AGPAT4: variants seen among roughly 807,000 people sequenced by gnomAD.
The protein encoded by AGPAT4 is 1-acylglycerol-3-phosphate O-acyltransferase 4.
In AGPAT4, 15 loss-of-function variants were observed where a neutral mutation model predicts 48.0. The ratio of observed to expected loss-of-function variants is 0.31; its 90% CI spans 0.21 to 0.48. The LOEUF (loss-of-function observed/expected upper bound fraction) is 0.48, where lower values mean the gene tolerates loss of function less well. AGPAT4 is among the 20% of genes least tolerant of loss of function. AGPAT4 has a pLI of 0.99. For missense variants in AGPAT4, 314 were observed against 482.5 expected, an observed-to-expected ratio of 0.65 and a Z score of 3.27; for synonymous variants, 178 against 198.7, an observed-to-expected ratio of 0.90 and a Z score of 0.88.
intron 4 of AGPAT4, among the ~76,000 whole-genome samples, chr6:161,153,879 G>A (rs566778731): frequency 9.0e-5 from 13 of 143,778 alleles, no homozygotes; most frequent in Non-Finnish European, 1.2e-4. Flanking sequence ...ACGGCCCCAT[G>A]GTCACACACA....
chr6:161,163,391 T>G (rs1779993400), intron 3 of AGPAT4, among the ~76,000 whole-genome samples: 1 of 152,026 alleles, frequency 6.6e-6, no homozygotes, highest in Non-Finnish European at 1.5e-5. Context: ...GAGAGATGAA[T>G]GAGGTTGTTT....
chr6:161,218,854 A>G lies in AGPAT4; in HGVS notation c.178+13182T>C, dbSNP rs1781728556. On this transcript the variant is annotated intron_variant, in intron 2 of 8. Transcript: ENST00000320285. The surrounding 1 kb of genome is among the most constrained non-coding windows in gnomAD (Gnocchi z 4.7). The stretch of plus-strand genomic sequence containing the variant: ...AGTATGATAAAACACTGTATCTACC[A>G]AACAGTATGATAAAACACTGTATCT... Among the ~76,000 whole-genome samples, 1 of 152,262 alleles carries G rather than the reference A, an allele frequency of 6.6e-6. No individual in the cohort carries two copies. Among genetic ancestry groups the G allele is most frequent in the Non-Finnish European group, 1.5e-5 (1 of 68,050 alleles).
chr6:161,219,246 C>A lies in AGPAT4; in HGVS notation c.178+12790G>T. Among the ~76,000 whole-genome samples, 1 of 150,922 alleles carries A rather than the reference C, an allele frequency of 6.6e-6. No homozygotes were observed. ...AGTGGTCTTTCAATGTTTTTGATTC[C>A]TTAAAAAAAAAATTAAATATGCACC... On this transcript the variant is annotated intron_variant, in intron 2 of 8. Coordinates refer to ENST00000320285, the MANE Select transcript of AGPAT4 (RefSeq NM_020133.3). The surrounding 1 kb of genome is among the most constrained non-coding windows in gnomAD (Gnocchi z 4.9).
At position 161,206,378 on chromosome 6, in the gene AGPAT4, G is replaced by A. The variant is rs893460052; in HGVS notation, c.178+25658C>T. ...CAATAAAGCACTCCCTCCCCTCCCA[G>A]CCAGCACACCATCCTGGAGACCTGG... On this transcript the variant is annotated intron_variant, in intron 2 of 8. Coordinates refer to ENST00000320285, the MANE Select transcript of AGPAT4 (RefSeq NM_020133.3). The surrounding 1 kb of genome is among the most constrained non-coding windows in gnomAD (Gnocchi z 4.8). Among the ~76,000 whole-genome samples the A allele has an allele frequency of 2.0e-5, 3 of 151,908 alleles. No homozygotes were observed. Among genetic ancestry groups the A allele is most frequent in the Admixed American group, 2.0e-4 (3 of 15,266 alleles).
At position 161,231,202 on chromosome 6, in the gene AGPAT4, G is replaced by A. The variant is rs1475648773; in HGVS notation, c.178+834C>T. 6.6e-6 allele frequency among the ~76,000 whole-genome samples: 1 copy of A among 152,032 alleles called. No homozygotes were observed. The highest frequency in any genetic ancestry group is 6.5e-5 in the Admixed American group (1 of 15,270). On this transcript the variant is annotated intron_variant, in intron 2 of 8. Coordinates refer to ENST00000320285, the MANE Select transcript of AGPAT4 (RefSeq NM_020133.3). The surrounding 1 kb of genome is among the most constrained non-coding windows in gnomAD (Gnocchi z 5.3). ...TATATATCATTATTAATATCACACTGCGTTCTCTACTTTTAAGAATAGGTA... is the reference window on the plus strand; with the variant it reads ...TATATATCATTATTAATATCACACTACGTTCTCTACTTTTAAGAATAGGTA...
Position 161,161,895 on chromosome 6 carries a change from G to A in AGPAT4, c.348+4353C>T, listed in dbSNP as rs902972926. On this transcript the variant is annotated intron_variant, in intron 3 of 8. Coordinates refer to ENST00000320285, the MANE Select transcript of AGPAT4 (RefSeq NM_020133.3). The surrounding 1 kb of genome is among the most constrained non-coding windows in gnomAD (Gnocchi z 4.6). ...CCTCACGCACAGGCACTCTGCCTAG[G>A]AGGGATAATGCCACTCTCCTCCTCT... The A allele has an allele frequency of 4.7e-5, 10 of 213,522 alleles. No homozygotes were observed. The highest frequency in any genetic ancestry group is 9.6e-5 in the Non-Finnish European group (10 of 103,970). 13.2% of individuals were successfully genotyped at this position (213,522 alleles called of 1,614,324 possible).
chr6:161,151,044 A>G lies in AGPAT4; in HGVS notation c.665-1755T>C, dbSNP rs558482119. Among the ~76,000 whole-genome samples, 3 of 152,122 alleles carry G rather than the reference A, an allele frequency of 2.0e-5. No homozygotes were observed. In the East Asian group the frequency reaches 5.8e-4, roughly 30 times the overall value. ...TATCAGTGACTTGTCCAACTGTCTC[A>G]TTTTCCAGAGGAAAACCTCAAAAAA... On this transcript the variant is annotated intron_variant, in intron 5 of 8. Transcript: ENST00000320285.
rs556123020 is a variant in AGPAT4 at position 161,162,983 on chromosome 6, T to A, written c.348+3265A>T. On this transcript the variant is annotated intron_variant, in intron 3 of 8. Transcript: ENST00000320285. ...ACTCTCATCTCCAGGGAGGCAAGGT[T>A]CAGCGTGTGACTCCAAGATCAACCA... Among the ~76,000 whole-genome samples, 229 of 152,368 alleles carry A rather than the reference T, an allele frequency of 1.5e-3. 3 individuals carry two copies. The highest frequency in any genetic ancestry group is 0.013 in the South Asian group (62 of 4,830).
chr6:161,211,327 G>A (rs552853711), intron 2 of AGPAT4, among the ~76,000 whole-genome samples: 1 of 152,216 alleles, frequency 6.6e-6, no homozygotes, highest in South Asian at 2.1e-4. Context: ...AACAAAGTGT[G>A]TCCTTTTAAA....
Position 161,153,372 on chromosome 6 carries a change from A to C in AGPAT4, c.638T>G (p.Ile213Ser). ...HLLPRTKGFA[I>S]TVRSLRNVVS... ...TACATTTCTCAAGCTCCTCACGGTG[A>C]TGGCGAAGCCCTTGGTTCGTGGCAA... The change falls in exon 5 of 9, where the codon ATC becomes AGC. Residue 213 changes from isoleucine to serine, a missense_variant. Transcript: ENST00000320285. 1 of 1,610,276 alleles carries C rather than the reference A, an allele frequency of 6.2e-7. No individual in the cohort carries two copies. The highest frequency in any genetic ancestry group is 8.5e-7 in the Non-Finnish European group (1 of 1,178,232).
rs1359649547 is a variant in AGPAT4, at chr6:161,261,397, C to T, written c.-90+12541G>A. 6.6e-6 allele frequency among the ~76,000 whole-genome samples: 1 copy of T among 152,228 alleles called. No homozygotes were observed. Among genetic ancestry groups the T allele is most frequent in the African/African-American group, 2.4e-5 (1 of 41,460 alleles). Reference sequence around the variant, plus strand: ...GCAGGCTTCCTCAGGAGCTGAGTGTCTTTCACCATCATATCCACAGCTCCC... The same window carrying T: ...GCAGGCTTCCTCAGGAGCTGAGTGTTTTTCACCATCATATCCACAGCTCCC... On this transcript the variant is annotated intron_variant, in intron 1 of 8. Transcript: ENST00000320285. The surrounding 1 kb of genome is among the most constrained non-coding windows in gnomAD (Gnocchi z 5.3).
Position 161,143,865 on chromosome 6 carries a change from GCCTGCCATTCCCCTCC to G in AGPAT4, c.843+2643_843+2658del, listed in dbSNP as rs1779331843. On this transcript the variant is annotated intron_variant, in intron 7 of 8. Coordinates refer to ENST00000320285, the MANE Select transcript of AGPAT4 (RefSeq NM_020133.3). This position sits in a 1 kb window ranked among gnomAD's most constrained non-coding sequence, Gnocchi z 4.7. ...GAATGTTGGCACACCTCTGTTGGCT[GCCTGCCATTCCCCTCC>G]CATTTTGCAGAAACTTTACTTGTCC... 1 of 302,350 alleles carries G rather than the reference GCCTGCCATTCCCCTCC, an allele frequency of 3.3e-6. No individual in the cohort carries two copies. Among genetic ancestry groups the G allele is most frequent in the East Asian group, 8.9e-5 (1 of 11,192 alleles). The allele number at this position is 302,350 out of a possible 1,614,324, so 18.7% of individuals were successfully genotyped here.
chr6:161,198,498 A>G lies in AGPAT4; in HGVS notation c.179-32081T>C, dbSNP rs1434693434. ...AGTGTCAACACAGCTGAGGTTGAGAAACCTGTCTTACGGCCATGACAGTGA... is the reference window on the plus strand; with the variant it reads ...AGTGTCAACACAGCTGAGGTTGAGAGACCTGTCTTACGGCCATGACAGTGA... On this transcript the variant is annotated intron_variant, in intron 2 of 8. Coordinates refer to ENST00000320285, the MANE Select transcript of AGPAT4 (RefSeq NM_020133.3). The surrounding 1 kb of genome is among the most constrained non-coding windows in gnomAD (Gnocchi z 4.3). Among the ~76,000 whole-genome samples, 3 of 152,254 alleles carry G rather than the reference A, an allele frequency of 2.0e-5. No individual in the cohort carries two copies. Among genetic ancestry groups the G allele is most frequent in the Non-Finnish European group, 4.4e-5 (3 of 68,048 alleles).
chr6:161,145,556 A>G (rs76864849), intron 7 of AGPAT4, among the ~76,000 whole-genome samples: 2,753 of 151,744 alleles, frequency 0.018, 201 homozygotes, highest in African/African-American at 0.063. Context: ...AAATTTGTCT[A>G]AAGGAGGCAA....
rs371269016 is a variant in AGPAT4 at position 161,216,399 on chromosome 6, T to C, written c.178+15637A>G. Among the ~76,000 whole-genome samples the C allele has an allele frequency of 7.2e-5, 11 of 152,298 alleles. 1 individual carries two copies. In the South Asian group the frequency reaches 2.3e-3, roughly 32 times the overall value. On this transcript the variant is annotated intron_variant, in intron 2 of 8. Coordinates refer to ENST00000320285, the MANE Select transcript of AGPAT4 (RefSeq NM_020133.3). The surrounding 1 kb of genome is among the most constrained non-coding windows in gnomAD (Gnocchi z 4.8). ...TGACAGACAACCTCTGCAACTGCCTTCTACAATCTTCAGGCTCACTCTCCT... is the reference window on the plus strand; with the variant it reads ...TGACAGACAACCTCTGCAACTGCCTCCTACAATCTTCAGGCTCACTCTCCT...
In AGPAT4 at chr6:161,240,236, AC is replaced by A. The variant is rs1782447904; in HGVS notation, c.-89-7935del. Among the ~76,000 whole-genome samples, 1 of 124,932 alleles carries A rather than the reference AC, an allele frequency of 8.0e-6. No homozygotes were observed. The highest frequency in any genetic ancestry group is 7.7e-5 in the Admixed American group (1 of 12,932). The allele number at this position is 124,932 out of a possible 152,430, so 82.0% of individuals were successfully genotyped here. A position where few individuals can be genotyped will look rare whatever the true frequency, so the allele number is the denominator to read the frequency against. The stretch of plus-strand genomic sequence containing the variant: ...TCTTTGTGTATACACACACACACAC[AC>A]ACACACACACACACACACACACACA... On this transcript the variant is annotated intron_variant, in intron 1 of 8. Transcript: ENST00000320285. The surrounding 1 kb of genome is among the most constrained non-coding windows in gnomAD (Gnocchi z 5.5).
intron 1 of AGPAT4, among the ~76,000 whole-genome samples, chr6:161,252,015 G>A (rs1050417294): frequency 2.6e-5 from 4 of 152,158 alleles, no homozygotes; most frequent in African/African-American, 9.7e-5. Flanking sequence ...TGAGCAGGAG[G>A]ATATAAATAA....
intron 3 of AGPAT4, among the ~76,000 whole-genome samples, chr6:161,162,598 C>T (rs1363805915): frequency 6.6e-6 from 1 of 152,230 alleles, no homozygotes; most frequent in African/African-American, 2.4e-5. Context: ...GGATTCCTGA[C>T]CACATAGGCA....
In AGPAT4 at chr6:161,236,271, GA is replaced by G. The variant is rs536877505; in HGVS notation, c.-89-3970del. On this transcript the variant is annotated intron_variant, in intron 1 of 8. Coordinates refer to ENST00000320285, the MANE Select transcript of AGPAT4 (RefSeq NM_020133.3). The surrounding 1 kb of genome is among the most constrained non-coding windows in gnomAD (Gnocchi z 5.0). ...AGCTGCTGCTATGCCATATTTCTGC[GA>G]AAAAAAAAAAGATGTTTCTTACTAT... 4.5e-4 allele frequency among the ~76,000 whole-genome samples: 63 copies of G among 141,182 alleles called. No individual in the cohort carries two copies. The highest frequency in any genetic ancestry group is 2.2e-3 in the East Asian group (11 of 4,926). 92.6% of individuals were successfully genotyped at this position (141,182 alleles called of 152,430 possible). A position where few individuals can be genotyped will look rare whatever the true frequency, so the allele number is the denominator to read the frequency against.
Sources: gnomAD v4.1 joint callset for allele counts (sites outside exome capture counted in the v4.1 genomes callset) on GRCh38, gnomAD v4.1.1 for gene constraint, Gnocchi (gnomAD v3.1) non-coding constraint, MANE v1.5 for transcripts, NCBI Gene and HGNC (gene_info 2026-07-23, HGNC 2026-07-21) for gene names.